The following RNF214 variants were observed in gnomAD, a reference collection of about 807,000 sequenced individuals.
The protein encoded by RNF214 is ring finger protein 214.
Under a neutral mutation model 75.9 loss-of-function variants are expected in RNF214, and 25 were observed. The ratio of observed to expected loss-of-function variants is 0.33; its 90% CI spans 0.24 to 0.46. The LOEUF (loss-of-function observed/expected upper bound fraction) is 0.46, where lower values mean the gene tolerates loss of function less well. RNF214 is among the 20% of genes least tolerant of loss of function. RNF214 has a pLI of 1.00. For missense variants in RNF214, 725 were observed against 857.5 expected, an observed-to-expected ratio of 0.85 and a Z score of 1.93; for synonymous variants, 314 against 308.8, an observed-to-expected ratio of 1.02 and a Z score of -0.18.
Position 117,238,989 on chromosome 11 carries a change from G to A in RNF214, c.496G>A (p.Asp166Asn), listed in dbSNP as rs754490428. ...QTSILKEGNR[D>N]TSLDFRPVVS... ...CTCCATCCTAAAGGAAGGTAACAGG[G>A]ACACAAGCTTGGATTTCCGACCTGT... The change falls in exon 3 of 15, where the codon GAC becomes AAC. Residue 166 changes from aspartate (D) to asparagine (N), a missense_variant. By Grantham distance (23) the Asp-to-Asn change is conservative (BLOSUM62 1). This residue lies in a region of RNF214 where 362 missense variants were observed against 344.5 expected (regional missense o/e 1.05). Transcript: ENST00000300650. 6.2e-7 allele frequency: 1 copy of A among 1,614,190 alleles called. No homozygotes were observed. The highest frequency in any genetic ancestry group is 1.1e-5 in the South Asian group (1 of 91,086).
rs571499446 is a variant in RNF214, at chr11:117,250,052, G to C, written c.959+3104G>C. ...CTGGAGAGTAAAAAGTCTTCAAAGA[G>C]ATTACTGTTTATTGTGAGAGACATA... On this transcript the variant is annotated intron_variant, in intron 6 of 14. Transcript: ENST00000300650. Among the ~76,000 whole-genome samples the C allele has an allele frequency of 3.9e-5, 6 of 152,322 alleles. No individual in the cohort carries two copies. In the South Asian group the frequency reaches 1.2e-3, roughly 32 times the overall value.
At chr11:117,272,605 T>TA (rs1394873095) in intron 6 of RNF214, among the ~76,000 whole-genome samples, 1 of 151,714 alleles carries the variant, frequency 6.6e-6, no homozygotes, top group South Asian at 2.1e-4. Flanking sequence ...AAAGTAAAAT[T>TA]AAAATTTTTT....
intron 6 of RNF214, among the ~76,000 whole-genome samples, chr11:117,247,394 CT>C (rs1300671100): frequency 6.6e-6 from 1 of 152,142 alleles, no homozygotes; most frequent in Non-Finnish European, 1.5e-5. Flanking sequence ...ACTTGGGAGG[CT>C]GAGGTGGAAG....
chr11:117,240,106 A>G (rs541159441), intron 4 of RNF214, among the ~76,000 whole-genome samples: 10 of 152,016 alleles, frequency 6.6e-5, no homozygotes, highest in African/African-American at 2.4e-4. Flanking sequence ...TAATCCTAAC[A>G]TTTTGGGAAG....
At chr11:117,241,930 G>C (rs2033091753) in intron 4 of RNF214, among the ~76,000 whole-genome samples, 1 of 152,118 alleles carries the variant, frequency 6.6e-6, no homozygotes, top group Admixed American at 6.5e-5. Flanking sequence ...GGATCTCTCA[G>C]TATCTCTCAT....
Position 117,246,829 on chromosome 11 carries a change from G to T in RNF214, c.840G>T (p.Gln280His). 2 of 1,605,984 alleles carry T rather than the reference G, an allele frequency of 1.2e-6. No homozygotes were observed. The highest frequency in any genetic ancestry group is 1.7e-6 in the Non-Finnish European group (2 of 1,175,404). Residue 280 changes from glutamine to histidine, a missense_variant, in exon 6 of 15, where the codon CAG (glutamine) becomes CAT (histidine). Gln to His is a conservative substitution (Grantham distance 24). Transcript: ENST00000300650. ...CTCAGGAGATATTAAAGGCTATTCA[G>T]GATGTGACAATAAAGCGGGAAGAAA... The part of the protein sequence containing the change: ...KNHQEILKAI[Q>H]DVTIKREETK...
intron 4 of RNF214, among the ~76,000 whole-genome samples, chr11:117,242,465 TG>T (rs1209871134): frequency 1.3e-5 from 2 of 152,170 alleles, no homozygotes; most frequent in African/African-American, 4.8e-5. Flanking sequence ...CAGGAACGAA[TG>T]GAAACCCAGC....
At position 117,246,301 on chromosome 11, in the gene RNF214, G is replaced by A. The variant is rs547853893; in HGVS notation, c.820-508G>A. On this transcript the variant is annotated intron_variant, in intron 5 of 14. Transcript: ENST00000300650. ...TATTTAAAAAAAAAAAAAAGTGTGC[G>A]TTTGTACATATGTATATCTGTGTGT... 5.9e-5 allele frequency among the ~76,000 whole-genome samples: 9 copies of A among 151,428 alleles called. No homozygotes were observed. The East Asian group carries it at 9.7e-4, about 16-fold the overall frequency.
chr11:117,273,478 T>TA (rs35378775), intron 6 of RNF214, among the ~76,000 whole-genome samples: 109,676 of 151,944 alleles, frequency 0.72, 41,245 homozygotes, highest in East Asian at 0.95. Context: ...GTATGTTGTA[T>TA]GGGGAAGAGA....
chr11:117,282,364 T>C lies in RNF214; in HGVS notation c.1713-40T>C, dbSNP rs769237593. The C allele has an allele frequency of 1.9e-6, 3 of 1,609,260 alleles. No individual in the cohort carries two copies. In the South Asian group the frequency reaches 3.3e-5, roughly 18 times the overall value. ...GTTACATGGGTGTTCCCCGTGGGTA[T>C]AGCATAGGCTTTCTCTCCCTCAACA... On this transcript the variant is annotated intron_variant, in intron 11 of 14. Coordinates refer to ENST00000300650, the MANE Select transcript of RNF214 (RefSeq NM_207343.4).
At position 117,238,583 on chromosome 11, in the gene RNF214, A is replaced by T. The variant is rs767103392; in HGVS notation, c.108-18A>T. On this transcript the variant is annotated intron_variant, in intron 2 of 14. Coordinates refer to ENST00000300650, the MANE Select transcript of RNF214 (RefSeq NM_207343.4). ...GAAAGTATTATATACTTTTCTTTTT[A>T]TCTTGTGTGTTTGATAGCACCAAAG... 2 of 1,585,598 alleles carry T rather than the reference A, an allele frequency of 1.3e-6. No individual in the cohort carries two copies. Among genetic ancestry groups the T allele is most frequent in the Admixed American group, 3.6e-5 (2 of 55,046 alleles).
chr11:117,269,048 A>T (rs1374421373), intron 6 of RNF214, among the ~76,000 whole-genome samples: 1 of 152,188 alleles, frequency 6.6e-6, no homozygotes, highest in East Asian at 1.9e-4. Flanking sequence ...TTATATACCT[A>T]CCCTTCTTTA....
In RNF214 at chr11:117,282,021, T is replaced by G; in HGVS notation, c.1463T>G (p.Ile488Ser). ...SADPRSLSFP[I>S]LNPALSQPSQ... ...GATCCCCGCTCCTTGTCTTTCCCAA[T>G]CCTGAACCCTGCCCTTTCCCAGCCC... Residue 488 changes from isoleucine to serine, a missense_variant, in exon 11 of 15, where the codon ATC (isoleucine) becomes AGC (serine). Coordinates refer to ENST00000300650, the MANE Select transcript of RNF214 (RefSeq NM_207343.4). 1 of 1,613,896 alleles carries G rather than the reference T, an allele frequency of 6.2e-7. No individual in the cohort carries two copies. Among genetic ancestry groups the G allele is most frequent in the Non-Finnish European group, 8.5e-7 (1 of 1,179,990 alleles).
intron 6 of RNF214, among the ~76,000 whole-genome samples, chr11:117,266,259 G>T (rs930778413): frequency 3.8e-4 from 58 of 151,948 alleles, no homozygotes; most frequent in African/African-American, 1.2e-3. Flanking sequence ...ACTTTGATTT[G>T]CCCACATGCT....
At chr11:117,252,317 T>A (rs1179508100) in intron 6 of RNF214, among the ~76,000 whole-genome samples, 1 of 152,198 alleles carries the variant, frequency 6.6e-6, no homozygotes, top group Non-Finnish European at 1.5e-5. Flanking sequence ...ATGAGAGAAG[T>A]GAACACATTT....
At chr11:117,233,821 C>T (rs1460447294) in intron 1 of RNF214, among the ~76,000 whole-genome samples, 1 of 152,158 alleles carries the variant, frequency 6.6e-6, no homozygotes, top group African/African-American at 2.4e-5. Flanking sequence ...AAAAACTTCC[C>T]TTAAATTAAT....
chr11:117,268,739 T>C (rs926538977), intron 6 of RNF214, among the ~76,000 whole-genome samples: 1 of 152,244 alleles, frequency 6.6e-6, no homozygotes, highest in Non-Finnish European at 1.5e-5. Flanking sequence ...GCTTGGAATT[T>C]GATTGGGTTT....
intron 6 of RNF214, among the ~76,000 whole-genome samples, chr11:117,277,973 C>CA (rs550645604): frequency 0.011 from 1,438 of 126,818 alleles, 28 homozygotes; most frequent in Admixed American, 0.064. Context: ...GACTCCCTCT[C>CA]AAAAAAAAAA....
At chr11:117,273,399 A>G (rs2033950152) in intron 6 of RNF214, among the ~76,000 whole-genome samples, 1 of 151,830 alleles carries the variant, frequency 6.6e-6, no homozygotes, top group African/African-American at 2.4e-5. Context: ...ATTCCTGGCA[A>G]GCTGTGAAGT....
Sources: allele counts gnomAD v4.1 joint callset (sites outside exome capture counted in the v4.1 genomes callset), GRCh38; gene constraint gnomAD v4.1.1; regional missense constraint gnomAD v4.1.1; transcripts MANE v1.5; gene names NCBI Gene and HGNC (gene_info 2026-07-23, HGNC 2026-07-21).